SLC22A8: variants seen among roughly 807,000 people sequenced by gnomAD.
The protein encoded by SLC22A8 is organic anion transporter 3.
A neutral mutation model predicts 48.4 loss-of-function variants in SLC22A8; 40 were observed. The observed-to-expected ratio is 0.83, with a 90% CI of 0.64 to 1.08. The LOEUF (loss-of-function observed/expected upper bound fraction) is 1.08. SLC22A8 is among the 50% of genes least tolerant of loss of function. The pLI, the probability that SLC22A8 is intolerant of heterozygous loss-of-function variation, is 0.00. For missense variants in SLC22A8, 606 were observed against 699.0 expected, an observed-to-expected ratio of 0.87 and a Z score of 1.50; for synonymous variants, 268 against 286.3, an observed-to-expected ratio of 0.94 and a Z score of 0.65.
intron 2 of SLC22A8, among the ~76,000 whole-genome samples, chr11:63,008,228 G>C (rs540073569): frequency 6.6e-6 from 1 of 152,378 alleles, no homozygotes; most frequent in Admixed American, 6.5e-5. Flanking sequence ...GGGCTGTAGA[G>C]AGTCAGGACG....
chr11:63,006,411 G>T (rs1372871516), intron 2 of SLC22A8, among the ~76,000 whole-genome samples: 1 of 152,030 alleles, frequency 6.6e-6, no homozygotes, highest in Non-Finnish European at 1.5e-5. Flanking sequence ...GTCAATAAGT[G>T]TTTGTCAGTT....
In SLC22A8 at chr11:62,993,932, T is replaced by C. The variant is rs2086377030; in HGVS notation, c.1217-54A>G. ...TTGGAGTTCAGGAGCACCTAAGAGT[T>C]CTCACTCCTTAGCTGATCTTGTCTC... On this transcript the variant is annotated intron_variant, in intron 8 of 10. Coordinates refer to ENST00000336232, the MANE Select transcript of SLC22A8 (RefSeq NM_004254.4). 5.6e-6 allele frequency: 6 copies of C among 1,075,408 alleles called. No homozygotes were observed. The Admixed American group carries it at 1.0e-4, about 18-fold the overall frequency. 66.6% of individuals were successfully genotyped at this position (1,075,408 alleles called of 1,614,324 possible). A position where few individuals can be genotyped will look rare whatever the true frequency, so the allele number is the denominator to read the frequency against.
Position 62,993,607 on chromosome 11 carries a change from C to G in SLC22A8, c.1346G>C (p.Ser449Thr). The G allele has an allele frequency of 6.2e-7, 1 of 1,610,718 alleles. No individual in the cohort carries two copies. ...TVIRQTGMGV[S>T]NLWTRVGSMV... ...GCTTCCCACGCGGGTCCACAGGTTA[C>G]TTACGCCCATACCTGTTTGCCTGCG... Residue 449 changes from serine (S) to threonine (T), a missense_variant, in exon 10 of 11, where the codon AGT becomes ACT. Ser to Thr is a moderately conservative substitution (Grantham distance 58). Transcript: ENST00000336232.
rs1377248613 is a variant in SLC22A8, at chr11:63,015,779, TC to T, written c.-77del. On this transcript the variant is annotated 5_prime_UTR_variant, in exon 1 of 11. Coordinates refer to ENST00000336232, the MANE Select transcript of SLC22A8 (RefSeq NM_004254.4). ...GGGCTGGTGATCAGTGTAGTTGAGGTCCCTGCTCTGTCCTAGGGGCCGGCAG... is the reference window on the plus strand; with the variant it reads ...GGGCTGGTGATCAGTGTAGTTGAGGTCCTGCTCTGTCCTAGGGGCCGGCAG... 1.3e-5 allele frequency: 2 copies of T among 152,380 alleles called. No individual in the cohort carries two copies. The highest frequency in any genetic ancestry group is 2.4e-5 in the African/African-American group (1 of 41,422). 9.4% of individuals were successfully genotyped at this position (152,380 alleles called of 1,614,324 possible). A position where few individuals can be genotyped will look rare whatever the true frequency, so the allele number is the denominator to read the frequency against.
intron 2 of SLC22A8, among the ~76,000 whole-genome samples, chr11:63,001,899 C>A (rs938622802): frequency 7.9e-5 from 12 of 152,026 alleles, no homozygotes; most frequent in Admixed American, 2.6e-4. Context: ...GGACTGGTAA[C>A]CTTCTCTTTT....
Position 62,995,765 on chromosome 11 carries a change from C to G in SLC22A8, c.940G>C (p.Ala314Pro). 1 of 1,614,074 alleles carries G rather than the reference C, an allele frequency of 6.2e-7. No homozygotes were observed. The highest frequency in any genetic ancestry group is 8.5e-7 in the Non-Finnish European group (1 of 1,179,992). The change falls in exon 7 of 11, where the codon GCA becomes CCA. Residue 314 changes from alanine to proline, a missense_variant. By Grantham distance (27) the Ala-to-Pro change is conservative. Transcript: ENST00000336232. Reference sequence around the variant, plus strand: ...ATGGGTATCCGGAACAGGTCACTTGCGGTGTACTTGGCCTTGGCCAAGGAG... The same window carrying G: ...ATGGGTATCCGGAACAGGTCACTTGGGGTGTACTTGGCCTTGGCCAAGGAG... ...EISLAKAKYT[A>P]SDLFRIPMLR...
At chr11:62,995,424 G>T (rs780782953) in intron 7 of SLC22A8, 51 of 498,422 alleles carry the variant, frequency 1.0e-4, no homozygotes, top group Middle Eastern at 5.3e-4. Flanking sequence ...ACACTGAGCG[G>T]CAGGGATGTG....
chr11:63,004,943 A>C (rs978146077), intron 2 of SLC22A8, among the ~76,000 whole-genome samples: 7 of 152,222 alleles, frequency 4.6e-5, no homozygotes, highest in Non-Finnish European at 8.8e-5. Flanking sequence ...GAATGAGTGC[A>C]TGTCAATATG....
intron 5 of SLC22A8, among the ~76,000 whole-genome samples, chr11:62,997,722 C>A (rs759706162): frequency 1.3e-5 from 2 of 152,222 alleles, no homozygotes; most frequent in Non-Finnish European, 2.9e-5. Flanking sequence ...CCCAGCTTTG[C>A]ATCTTTTTGT....
At chr11:62,997,318 G>A (rs573737564) in intron 5 of SLC22A8, among the ~76,000 whole-genome samples, 21 of 152,148 alleles carry the variant, frequency 1.4e-4, no homozygotes, top group African/African-American at 4.8e-4. Flanking sequence ...TCCACCTCCC[G>A]GGTTCAAGTG....
chr11:62,999,878 A>G, intron 3 of SLC22A8, 36 bp from the exon 4 acceptor site: 1 of 1,437,992 alleles, frequency 7.0e-7, no homozygotes, highest in Non-Finnish European at 9.2e-7. Context: ...CAGGTTAGCC[A>G]CAGTGTGCCT....
intron 2 of SLC22A8, among the ~76,000 whole-genome samples, chr11:63,013,212 T>C (rs1322515710): frequency 6.6e-6 from 1 of 152,276 alleles, no homozygotes; most frequent in Admixed American, 6.5e-5. Context: ...GTTAAACAAA[T>C]GAATAACAAT....
chr11:63,000,730 G>A lies in SLC22A8; in HGVS notation c.427C>T (p.Leu143=). The A allele has an allele frequency of 2.5e-6, 4 of 1,611,030 alleles. No homozygotes were observed. Among genetic ancestry groups the A allele is most frequent in the Non-Finnish European group, 3.4e-6 (4 of 1,177,172 alleles). ...GCCCCCATGTCTCACCTGTCAGACA[G>A]GTCTCCAAGCACGAGCCCTCCAATC... ...ILIGGLVLGD[L]SDRFGRRPIL... is the part of the protein sequence containing the mutation. The change falls in exon 3 of 11, where the codon CTG becomes TTG. Residue 143 remains leucine, a synonymous_variant. Coordinates refer to ENST00000336232, the MANE Select transcript of SLC22A8 (RefSeq NM_004254.4).
At chr11:63,000,013 AG>A in intron 3 of SLC22A8, among the ~76,000 whole-genome samples, 171 bp from the exon 4 acceptor site, 1 of 152,286 alleles carries the variant, frequency 6.6e-6, no homozygotes, top group African/African-American at 2.4e-5. Flanking sequence ...ATTTTTGACA[AG>A]TTTGCAATTA....
chr11:63,002,060 A>G (rs1405682095), intron 2 of SLC22A8, among the ~76,000 whole-genome samples: 5 of 152,092 alleles, frequency 3.3e-5, no homozygotes, highest in Non-Finnish European at 7.3e-5. Flanking sequence ...ACAGGTGTGC[A>G]TGACCACACC....
chr11:63,011,990 C>CT (rs763880600), intron 2 of SLC22A8, among the ~76,000 whole-genome samples: 5,822 of 141,352 alleles, frequency 0.041, 145 homozygotes, highest in Middle Eastern at 0.11. Flanking sequence ...CTCTCTTTTT[C>CT]TTTTTTTTTT....
chr11:63,010,406 C>T (rs1167632061), intron 2 of SLC22A8, among the ~76,000 whole-genome samples: 1 of 152,204 alleles, frequency 6.6e-6, no homozygotes, highest in African/African-American at 2.4e-5. Flanking sequence ...GGAGCCAACG[C>T]ATCGGTTTCC....
In SLC22A8 at chr11:62,999,043, T is replaced by C; in HGVS notation, c.639A>G (p.Ala213=). The C allele has an allele frequency of 6.2e-7, 1 of 1,614,014 alleles. No homozygotes were observed. ...PTRMRAIMST[A]LGYCYTFGQF... is the part of the protein sequence containing the mutation. ...GGCCAAAGGTGTAGCAGTACCCGAG[T>C]GCTGTCGACATGATGGCCCGCATCC... The change falls in exon 5 of 11, where the codon GCA becomes GCG. Residue 213 remains alanine, a synonymous_variant. Coordinates refer to ENST00000336232, the MANE Select transcript of SLC22A8 (RefSeq NM_004254.4).
At chr11:62,994,793 C>T (rs199525293) in intron 7 of SLC22A8, 37 bp from the exon 8 acceptor site, 226 of 1,523,732 alleles carry the variant, frequency 1.5e-4, no homozygotes, top group Admixed American at 1.3e-3. Context: ...CACCTGCAGC[C>T]AGGCAGAGGC....
Sources: gnomAD v4.1 joint callset for allele counts (sites outside exome capture counted in the v4.1 genomes callset) on GRCh38, gnomAD v4.1.1 for gene constraint, MANE v1.5 for transcripts, NCBI Gene and HGNC (gene_info 2026-07-23, HGNC 2026-07-21) for gene names.